The following TENM2 variants were observed in gnomAD, a reference collection of about 807,000 sequenced individuals.
The protein encoded by TENM2 is teneurin-2.
Under a neutral mutation model 245.2 loss-of-function variants are expected in TENM2, and 52 were observed. The observed-to-expected ratio is 0.21, with a 90% CI of 0.17 to 0.27. TENM2 has a LOEUF of 0.27. Ranked by LOEUF, TENM2 falls within the 10% of genes least tolerant of loss-of-function variation. The pLI, the probability that TENM2 is intolerant of heterozygous loss-of-function variation, is 1.00. For missense variants in TENM2, 3,046 were observed against 3,666.8 expected (o/e 0.83, Z 4.37); for synonymous variants, 1,363 against 1,438.9 (o/e 0.95, Z 1.19).
chr5:167,951,108 G>A (rs942545809), intron 3 of TENM2, among the ~76,000 whole-genome samples: 1 of 152,166 alleles, frequency 6.6e-6, no homozygotes, highest in Middle Eastern at 3.2e-3. Flanking sequence ...TTCTTGACAT[G>A]TTGTCTTTTC....
the TENM2 span, among the ~76,000 whole-genome samples, chr5:167,058,647 A>G: frequency 0.64 from 96,384 of 151,500 alleles, 32,918 homozygotes; most frequent in African/African-American, 0.91. Flanking sequence ...GCTACTTGGA[A>G]GGCTGAGATG....
In TENM2 at chr5:168,237,988, CA is replaced by C. The variant is rs539135774; in HGVS notation, c.5521-6425del. ...AAACCCCGTCTCTACTAAAAAAATA[CA>C]AAAAAATTAGCTGGGCATGGTGGCG... On this transcript the variant is annotated intron_variant, in intron 25 of 28. Coordinates refer to ENST00000518659, the Ensembl canonical transcript of TENM2. Among the ~76,000 whole-genome samples, 930 of 151,082 alleles carry C rather than the reference CA, an allele frequency of 6.2e-3. 10 individuals carry two copies. Among genetic ancestry groups the C allele is most frequent in the African/African-American group, 0.022 (892 of 41,212 alleles).
At chr5:167,001,609 CT>C in the TENM2 span, among the ~76,000 whole-genome samples, 11 of 151,552 alleles carry the variant, frequency 7.3e-5, no homozygotes, top group Non-Finnish European at 1.6e-4. Flanking sequence ...TCTACAGTCC[CT>C]GACCATTAGA....
chr5:167,490,221 T>C (rs976916402), intron 2 of TENM2, among the ~76,000 whole-genome samples: 1 of 152,134 alleles, frequency 6.6e-6, no homozygotes, highest in Non-Finnish European at 1.5e-5. Context: ...TATTAAATTC[T>C]TGTCAACTTG....
chr5:167,321,836 A>C (rs1581740038), intron 1 of TENM2, among the ~76,000 whole-genome samples: 2 of 90,426 alleles, frequency 2.2e-5, no homozygotes, highest in African/African-American at 4.6e-5. Flanking sequence ...GGATGGAGTC[A>C]CTCACTCTGC....
At chr5:167,216,745 G>GC in the TENM2 span, among the ~76,000 whole-genome samples, 1,986 of 152,216 alleles carry the variant, frequency 0.013, 25 homozygotes, top group Middle Eastern at 0.031. Context: ...GGTCAACATG[G>GC]TGAAACCCCT....
chr5:168,042,958 G>T (rs1788321161), intron 5 of TENM2, among the ~76,000 whole-genome samples: 1 of 152,164 alleles, frequency 6.6e-6, no homozygotes, highest in Non-Finnish European at 1.5e-5. Flanking sequence ...GGAGCCCGAG[G>T]GTCTCTCTGA....
chr5:167,108,754 A>G, the TENM2 span, among the ~76,000 whole-genome samples: 1 of 152,256 alleles, frequency 6.6e-6, no homozygotes, highest in African/African-American at 2.4e-5. Context: ...GGACATGGGC[A>G]TAGCTCTACA....
intron 2 of TENM2, among the ~76,000 whole-genome samples, chr5:167,469,406 G>A (rs1253638425): frequency 6.6e-6 from 1 of 152,080 alleles, no homozygotes; most frequent in Admixed American, 6.6e-5. Context: ...CCCAAGTAAA[G>A]ATTAAATTAA....
chr5:167,082,294 A>G, the TENM2 span, among the ~76,000 whole-genome samples: 1 of 151,764 alleles, frequency 6.6e-6, no homozygotes, highest in African/African-American at 2.4e-5. Context: ...TTATTTATTT[A>G]TTTATTTTGG....
the TENM2 span, among the ~76,000 whole-genome samples, chr5:167,093,802 T>C: frequency 3.3e-5 from 5 of 152,188 alleles, no homozygotes; most frequent in African/African-American, 1.2e-4. Flanking sequence ...TTAATTACTA[T>C]ATTCTGTGAG....
At chr5:167,610,984 A>T (rs1280028462) in intron 2 of TENM2, among the ~76,000 whole-genome samples, 1 of 152,146 alleles carries the variant, frequency 6.6e-6, no homozygotes, top group Non-Finnish European at 1.5e-5. Context: ...GCCCTGGGAA[A>T]ACCAAAGGAA....
intron 2 of TENM2, chr5:167,653,776 G>A (rs1754642798): frequency 6.6e-6 from 1 of 152,098 alleles, no homozygotes; most frequent in African/African-American, 2.4e-5. Context: ...TTGGTTCTGG[G>A]GTGGCATGTG....
chr5:167,512,699 A>G (rs538574937), intron 2 of TENM2, among the ~76,000 whole-genome samples: 56 of 152,356 alleles, frequency 3.7e-4, no homozygotes, highest in Non-Finnish European at 6.6e-4. Flanking sequence ...TTTTTAAAAT[A>G]TGGCTTATCC....
intron 15 of TENM2, among the ~76,000 whole-genome samples, 172 bp from the exon 18 acceptor site, chr5:168,198,681 A>G (rs531469694): frequency 1.3e-5 from 2 of 152,124 alleles, no homozygotes; most frequent in Non-Finnish European, 2.9e-5. Context: ...GCCCATTGCC[A>G]CTCAGCTAGT....
At chr5:167,923,723 A>G (rs1344936550) in intron 3 of TENM2, among the ~76,000 whole-genome samples, 1 of 152,146 alleles carries the variant, frequency 6.6e-6, no homozygotes, top group Non-Finnish European at 1.5e-5. Flanking sequence ...CCCTGGATCT[A>G]TTGAATACTC....
At chr5:167,027,122 T>C in the TENM2 span, among the ~76,000 whole-genome samples, 1 of 152,212 alleles carries the variant, frequency 6.6e-6, no homozygotes. Context: ...CGTAACCAAG[T>C]TGAGAAACTT....
the TENM2 span, among the ~76,000 whole-genome samples, chr5:167,071,603 A>G: frequency 6.6e-6 from 1 of 152,200 alleles, no homozygotes; most frequent in Non-Finnish European, 1.5e-5. Context: ...ATATAATCAT[A>G]TACCAAGGTA....
intron 2 of TENM2, among the ~76,000 whole-genome samples, chr5:167,743,606 T>A (rs1023990748): frequency 6.6e-6 from 1 of 152,046 alleles, no homozygotes; most frequent in Non-Finnish European, 1.5e-5. Flanking sequence ...CTCAGCCTCA[T>A]CAGGAAAAGA....
Sources: allele counts gnomAD v4.1 joint callset (sites outside exome capture counted in the v4.1 genomes callset), GRCh38; gene constraint gnomAD v4.1.1; transcripts MANE v1.5; gene names NCBI Gene and HGNC (gene_info 2026-07-23, HGNC 2026-07-21).